ACTR3C: variants seen among roughly 807,000 people sequenced by gnomAD.
The protein encoded by ACTR3C is actin related protein 3C.
A neutral mutation model predicts 26.3 loss-of-function variants in ACTR3C; 18 were observed. The observed-to-expected ratio is 0.68, with a 90% CI of 0.47 to 1.01. The LOEUF (loss-of-function observed/expected upper bound fraction) is 1.01, where lower values mean the gene tolerates loss of function less well. Ranked by LOEUF, ACTR3C falls within the 50% of genes least tolerant of loss-of-function variation. ACTR3C has a pLI of 0.00. For missense variants in ACTR3C, 184 were observed against 250.7 expected, an observed-to-expected ratio of 0.73 and a Z score of 1.80; for synonymous variants, 55 against 94.5, an observed-to-expected ratio of 0.58 and a Z score of 2.42.
chr7:150,309,480 C>G (rs1452699595), intron 1 of ACTR3C, among the ~76,000 whole-genome samples: 1 of 152,238 alleles, frequency 6.6e-6, no homozygotes, highest in East Asian at 1.9e-4. Flanking sequence ...AAAGAGGCAG[C>G]CAAGCGGCAA....
At chr7:150,205,013 T>C in the ACTR3C span, among the ~76,000 whole-genome samples, 3 of 152,184 alleles carry the variant, frequency 2.0e-5, no homozygotes, top group African/African-American at 7.2e-5. Context: ...AGGAAAAGTT[T>C]CTCTCTGAAT....
At chr7:150,198,906 C>T in the ACTR3C span, among the ~76,000 whole-genome samples, 3 of 147,658 alleles carry the variant, frequency 2.0e-5, no homozygotes, top group Non-Finnish European at 4.5e-5. Context: ...TCTGCCCAGC[C>T]AGCCGCCCCG....
chr7:150,001,355 A>C, the ACTR3C span: 3 of 152,242 alleles, frequency 2.0e-5, no homozygotes, highest in Non-Finnish European at 4.4e-5. Flanking sequence ...CCAAGCAGAG[A>C]GATCCAAAAA....
At chr7:150,035,081 A>T in the ACTR3C span, among the ~76,000 whole-genome samples, 2 of 134,636 alleles carry the variant, frequency 1.5e-5, no homozygotes, top group Admixed American at 1.5e-4. Context: ...GAAGATTTGA[A>T]CTTTCTACTT....
At chr7:149,928,598 T>A in the ACTR3C span, among the ~76,000 whole-genome samples, 1 of 151,792 alleles carries the variant, frequency 6.6e-6, no homozygotes, top group African/African-American at 2.4e-5. Context: ...TCCCAACACC[T>A]TGGGAGGCAG....
chr7:150,214,409 T>C, the ACTR3C span, among the ~76,000 whole-genome samples: 2 of 152,102 alleles, frequency 1.3e-5, no homozygotes, highest in Non-Finnish European at 2.9e-5. Context: ...GTGGACATTT[T>C]AGAATTTGAA....
the ACTR3C span, among the ~76,000 whole-genome samples, chr7:149,917,174 C>G: frequency 6.6e-6 from 1 of 151,472 alleles, no homozygotes; most frequent in African/African-American, 2.4e-5. Flanking sequence ...CTCCTGGGTT[C>G]AAGCGATTCT....
the ACTR3C span, among the ~76,000 whole-genome samples, chr7:150,144,367 T>G: frequency 1.3e-5 from 2 of 152,324 alleles, no homozygotes; most frequent in East Asian, 1.9e-4. This position sits in a 1 kb window ranked among gnomAD's most constrained non-coding sequence, Gnocchi z 4.6. Context: ...AGAAGGTAAT[T>G]TATTTGAAAC....
chr7:150,087,611 A>T, the ACTR3C span, among the ~76,000 whole-genome samples: 17 of 152,266 alleles, frequency 1.1e-4, no homozygotes, highest in African/African-American at 4.1e-4. Context: ...ATGTGGGAGA[A>T]ACAGAAATCA....
the ACTR3C span, among the ~76,000 whole-genome samples, chr7:150,070,264 G>C: frequency 6.6e-6 from 1 of 152,174 alleles, no homozygotes; most frequent in South Asian, 2.1e-4. Context: ...CCAGGTCTCA[G>C]GTCCCAACTC....
chr7:150,317,883 G>T (rs1797097636), intron 1 of ACTR3C, among the ~76,000 whole-genome samples: 1 of 152,002 alleles, frequency 6.6e-6, no homozygotes, highest in African/African-American at 2.4e-5. Flanking sequence ...GCAGTTGAAT[G>T]GGGTTGGGTT....
chr7:150,233,338 T>C, the ACTR3C span, among the ~76,000 whole-genome samples: 1 of 150,442 alleles, frequency 6.6e-6, no homozygotes, highest in Non-Finnish European at 1.5e-5. Flanking sequence ...TCTGACTCCT[T>C]TGAAGATTTT....
At chr7:150,167,103 G>A in the ACTR3C span, among the ~76,000 whole-genome samples, 1 of 147,514 alleles carries the variant, frequency 6.8e-6, no homozygotes, top group Non-Finnish European at 1.5e-5. Flanking sequence ...CTATTGAGAA[G>A]AGTGCTGCAA....
At chr7:149,988,915 T>C in the ACTR3C span, among the ~76,000 whole-genome samples, 2 of 152,224 alleles carry the variant, frequency 1.3e-5, no homozygotes, top group Admixed American at 1.3e-4. Flanking sequence ...CAACGAAAAT[T>C]GAAGTTCAAA....
the ACTR3C span, among the ~76,000 whole-genome samples, chr7:150,069,020 GCT>G: frequency 2.0e-5 from 3 of 152,292 alleles, no homozygotes; most frequent in South Asian, 6.2e-4. Context: ...AGACTGACCA[GCT>G]CTGTTGCTTG....
the ACTR3C span, among the ~76,000 whole-genome samples, chr7:149,969,269 C>CTGTGTGTG: frequency 2.1e-3 from 291 of 141,516 alleles, 2 homozygotes; most frequent in African/African-American, 7.8e-3. Context: ...TCAGAAAGAG[C>CTGTGTGTG]TGTGTGTGTG....
At chr7:150,155,707 G>T in the ACTR3C span, among the ~76,000 whole-genome samples, 1,020 of 140,468 alleles carry the variant, frequency 7.3e-3, 18 homozygotes, top group African/African-American at 0.026. Context: ...CCTTCGACTG[G>T]CAGAGGGTCC....
chr7:149,970,802 A>G, the ACTR3C span, among the ~76,000 whole-genome samples: 1 of 152,208 alleles, frequency 6.6e-6, no homozygotes, highest in Non-Finnish European at 1.5e-5. Context: ...TTCACCTTCA[A>G]GTCCAAAGAT....
In ACTR3C at chr7:150,303,589, T is replaced by C. The variant is rs374215271; in HGVS notation, c.-51-8242A>G. ...CTCCTGGTTCTTGAATCAAAATCGA[T>C]GTTATTCAGGCCACATCCTTATGGG... On this transcript the variant is annotated intron_variant, in intron 1 of 7. Transcript: ENST00000683684. 7.2e-3 allele frequency among the ~76,000 whole-genome samples: 1,104 copies of C among 152,336 alleles called. 20 individuals are homozygous for C. Among genetic ancestry groups the C allele is most frequent in the African/African-American group, 0.024 (1,011 of 41,578 alleles).
Sources: allele counts gnomAD v4.1 joint callset (sites outside exome capture counted in the v4.1 genomes callset), GRCh38; gene constraint gnomAD v4.1.1; non-coding constraint Gnocchi (gnomAD v3.1); transcripts MANE v1.5; gene names NCBI Gene and HGNC (gene_info 2026-07-23, HGNC 2026-07-21).